Variants in VTI1A observed in about 807,000 individuals in gnomAD.
VTI1A encodes the protein vesicle transport through interaction with t-SNAREs 1A, also known as vesicle transport through interaction with t-SNAREs homolog 1A.
In VTI1A, 22 loss-of-function variants were observed where a neutral mutation model predicts 34.9. The ratio of observed to expected loss-of-function variants is 0.63; its 90% CI spans 0.45 to 0.90. The LOEUF is 0.90. Among genes scored for constraint, VTI1A ranks in the 40% least tolerant of loss-of-function variants. VTI1A has a pLI of 0.00. For missense variants in VTI1A, 268 were observed against 275.6 expected (o/e 0.97, Z 0.20); for synonymous variants, 87 against 97.3 (o/e 0.89, Z 0.62).
intron 5 of VTI1A, among the ~76,000 whole-genome samples, chr10:112,630,031 A>G (rs1846070569): frequency 6.6e-6 from 1 of 152,208 alleles, no homozygotes; most frequent in Non-Finnish European, 1.5e-5. Context: ...AAAGAAACAC[A>G]TTAATTGTGC....
At chr10:112,519,676 A>G (rs1589855959) in intron 3 of VTI1A, among the ~76,000 whole-genome samples, 1 of 152,070 alleles carries the variant, frequency 6.6e-6, no homozygotes, top group South Asian at 2.1e-4. Flanking sequence ...GCATTGAGGA[A>G]TGGGGTTCTG....
chr10:112,722,830 C>T (rs776316339), intron 7 of VTI1A, among the ~76,000 whole-genome samples: 26 of 152,138 alleles, frequency 1.7e-4, no homozygotes, highest in Non-Finnish European at 3.1e-4. Flanking sequence ...TTAAGAAGAG[C>T]TCATCTAATC....
At chr10:112,614,835 A>C (rs994628694) in intron 5 of VTI1A, among the ~76,000 whole-genome samples, 5 of 152,224 alleles carry the variant, frequency 3.3e-5, no homozygotes, top group African/African-American at 1.2e-4. Flanking sequence ...GAGATCTGTG[A>C]CAGCAAGGCT....
chr10:112,823,980 G>A, the VTI1A span: 1 of 152,296 alleles, frequency 6.6e-6, no homozygotes, highest in Non-Finnish European at 1.5e-5. Flanking sequence ...ATGGCACCTA[G>A]CAAATTGGTA....
intron 7 of VTI1A, among the ~76,000 whole-genome samples, chr10:112,797,167 G>T (rs1852702197): frequency 6.6e-6 from 1 of 152,098 alleles, no homozygotes; most frequent in Non-Finnish European, 1.5e-5. Context: ...AATCTTTCCT[G>T]ACAGAAAGAT....
chr10:112,512,941 C>T (rs933365634), intron 3 of VTI1A, among the ~76,000 whole-genome samples: 1 of 152,076 alleles, frequency 6.6e-6, no homozygotes, highest in South Asian at 2.1e-4. Context: ...ATTACTATAG[C>T]CTTGTAAGAT....
At chr10:112,456,383 C>G (rs1847525423) in intron 1 of VTI1A, among the ~76,000 whole-genome samples, 1 of 141,558 alleles carries the variant, frequency 7.1e-6, no homozygotes, top group African/African-American at 2.7e-5. Context: ...GATTGCACCA[C>G]TGCACTCCAG....
chr10:112,501,095 G>T (rs1404573101), intron 3 of VTI1A, among the ~76,000 whole-genome samples: 1 of 152,138 alleles, frequency 6.6e-6, no homozygotes. Context: ...GTATCATCGA[G>T]GAGCTCACAG....
chr10:112,589,266 A>T (rs1428786497), intron 5 of VTI1A, among the ~76,000 whole-genome samples: 1 of 152,176 alleles, frequency 6.6e-6, no homozygotes, highest in South Asian at 2.1e-4. Context: ...GAGATAATTG[A>T]ATCATGGGGT....
chr10:112,841,624 C>G, the VTI1A span, among the ~76,000 whole-genome samples: 2 of 152,140 alleles, frequency 1.3e-5, no homozygotes. Flanking sequence ...GAATCTGGAG[C>G]TGTCATCACA....
the VTI1A span, among the ~76,000 whole-genome samples, chr10:112,830,822 C>CATATATATATATATATAT: frequency 1.2e-3 from 65 of 54,706 alleles, 2 homozygotes; most frequent in East Asian, 9.8e-3. Context: ...CTAAAACCCT[C>CATATATATATATATATAT]ATATATATAT....
intron 7 of VTI1A, among the ~76,000 whole-genome samples, chr10:112,709,362 CAG>C (rs1274889654): frequency 2.0e-5 from 3 of 152,150 alleles, no homozygotes; most frequent in Non-Finnish European, 4.4e-5. Context: ...TGTCTTCAGA[CAG>C]AACTGCCCCC....
intron 7 of VTI1A, chr10:112,752,648 G>C: frequency 1.2e-6 from 1 of 858,076 alleles, no homozygotes; most frequent in Non-Finnish European, 1.4e-6. Flanking sequence ...CTTTAGCTAG[G>C]TGAAGAACAG....
intron 5 of VTI1A, among the ~76,000 whole-genome samples, chr10:112,643,985 TAAAA>T (rs11288631): frequency 2.1e-5 from 3 of 145,696 alleles, no homozygotes; most frequent in South Asian, 2.2e-4. Flanking sequence ...GAATAGGAGG[TAAAA>T]AAAAAAAAAT....
chr10:112,724,795 AAAAAG>A (rs1272703936), intron 7 of VTI1A, among the ~76,000 whole-genome samples: 47 of 151,730 alleles, frequency 3.1e-4, no homozygotes, highest in African/African-American at 1.0e-3. Context: ...TGAAAAAAAA[AAAAAG>A]AAAAAAAAAC....
At chr10:112,773,230 T>C (rs568595351) in intron 7 of VTI1A, among the ~76,000 whole-genome samples, 15 of 152,332 alleles carry the variant, frequency 9.8e-5, no homozygotes, top group African/African-American at 3.4e-4. Flanking sequence ...CTCTCTAAGG[T>C]AGGATAATAA....
chr10:112,472,678 TTTAC>T (rs1848134535), intron 3 of VTI1A, among the ~76,000 whole-genome samples: 1 of 152,194 alleles, frequency 6.6e-6, no homozygotes. Flanking sequence ...CCTGGGATAT[TTTAC>T]TTCTATTTCT....
chr10:112,448,472 A>G (rs1847061900), intron 1 of VTI1A: 1 of 152,248 alleles, frequency 6.6e-6, no homozygotes, highest in South Asian at 2.1e-4. Context: ...GGGCTCAGGA[A>G]AATAAGTGAA....
chr10:112,688,963 G>A (rs1334992042), intron 7 of VTI1A, among the ~76,000 whole-genome samples: 1 of 152,060 alleles, frequency 6.6e-6, no homozygotes, highest in Non-Finnish European at 1.5e-5. Context: ...CATTAATTTG[G>A]TTTCAGAAAA....
Sources: allele counts gnomAD v4.1 joint callset (sites outside exome capture counted in the v4.1 genomes callset), GRCh38; gene constraint gnomAD v4.1.1; transcripts MANE v1.5; gene names NCBI Gene and HGNC (gene_info 2026-07-23, HGNC 2026-07-21).